Variants in CTNNA2 observed in about 807,000 individuals in gnomAD.
CTNNA2 encodes the protein catenin alpha-2.
Under a neutral mutation model 101.0 loss-of-function variants are expected in CTNNA2, and 42 were observed. The ratio of observed to expected loss-of-function variants is 0.42; its 90% CI spans 0.32 to 0.54. The LOEUF (loss-of-function observed/expected upper bound fraction) is 0.54, where lower values mean the gene tolerates loss of function less well. CTNNA2 is among the 20% of genes least tolerant of loss of function. The probability of loss-of-function intolerance (pLI) is 0.14; values close to 1 mark genes in which losing one functional copy is unlikely to be tolerated. For missense variants in CTNNA2, 871 were observed against 1,223.1 expected, an observed-to-expected ratio of 0.71 and a Z score of 4.29; for synonymous variants, 450 against 456.4, an observed-to-expected ratio of 0.99 and a Z score of 0.18.
chr2:79,720,388 T>G (rs1686403291), intron 2 of CTNNA2, among the ~76,000 whole-genome samples: 1 of 152,162 alleles, frequency 6.6e-6, no homozygotes, highest in Non-Finnish European at 1.5e-5. Flanking sequence ...TCTTTTTTGG[T>G]TCCATATTAC....
chr2:79,884,623 A>T (rs1381921272), intron 6 of CTNNA2, among the ~76,000 whole-genome samples: 1 of 152,166 alleles, frequency 6.6e-6, no homozygotes, highest in Non-Finnish European at 1.5e-5. Flanking sequence ...TCTCAACCAC[A>T]TTAAGCTGAA....
chr2:79,855,204 CTT>C (rs1170806818), intron 3 of CTNNA2, among the ~76,000 whole-genome samples: 1 of 152,072 alleles, frequency 6.6e-6, no homozygotes, highest in Admixed American at 6.6e-5. Context: ...CTCTCTCTGT[CTT>C]TCTCTTTCTT....
intron 4 of CTNNA2, among the ~76,000 whole-genome samples, chr2:79,471,854 A>G (rs182043021): frequency 6.6e-6 from 1 of 152,120 alleles, no homozygotes; most frequent in East Asian, 1.9e-4. Flanking sequence ...CAAAAAAAAA[A>G]GATTTTAACA....
intron 9 of CTNNA2, among the ~76,000 whole-genome samples, chr2:80,529,205 T>A (rs1690306781): frequency 6.6e-6 from 1 of 152,174 alleles, no homozygotes; most frequent in Admixed American, 6.5e-5. Flanking sequence ...TTTTCAGATT[T>A]GTAGGCCACA....
intron 7 of CTNNA2, among the ~76,000 whole-genome samples, chr2:80,124,993 C>T (rs1179501871): frequency 1.3e-5 from 2 of 152,058 alleles, no homozygotes; most frequent in African/African-American, 2.4e-5. Context: ...AAGGGACAAT[C>T]GGTGCTGATT....
At chr2:79,591,473 G>GAA (rs35360779) in intron 1 of CTNNA2, among the ~76,000 whole-genome samples, 1 of 151,966 alleles carries the variant, frequency 6.6e-6, no homozygotes, top group Non-Finnish European at 1.5e-5. Flanking sequence ...CCCTGAGGGG[G>GAA]AAAAACAGCA....
chr2:79,323,310 T>C (rs1676666311), intron 3 of CTNNA2, among the ~76,000 whole-genome samples: 1 of 152,292 alleles, frequency 6.6e-6, no homozygotes, highest in East Asian at 1.9e-4. Flanking sequence ...CTTTGGCCTA[T>C]GTATTAAAGA....
At chr2:80,147,985 G>A (rs1397786515) in intron 7 of CTNNA2, among the ~76,000 whole-genome samples, 2 of 152,190 alleles carry the variant, frequency 1.3e-5, no homozygotes, top group Non-Finnish European at 2.9e-5. Context: ...CACTGAACAA[G>A]AATGACATTT....
chr2:80,397,784 T>G (rs568875508), intron 8 of CTNNA2, among the ~76,000 whole-genome samples: 1 of 152,160 alleles, frequency 6.6e-6, no homozygotes, highest in African/African-American at 2.4e-5. Flanking sequence ...TGTGGACGTA[T>G]GGAAGCTGCA....
chr2:80,014,758 CTT>C (rs1574543836), intron 7 of CTNNA2, among the ~76,000 whole-genome samples: 2 of 152,178 alleles, frequency 1.3e-5, no homozygotes, highest in African/African-American at 4.8e-5. Context: ...AATTTGCAGA[CTT>C]TATCTGACAT....
chr2:79,407,007 C>G (rs1363745375), intron 4 of CTNNA2, among the ~76,000 whole-genome samples: 1 of 152,050 alleles, frequency 6.6e-6, no homozygotes, highest in Non-Finnish European at 1.5e-5. Flanking sequence ...TTGTACCATA[C>G]CATCTCACAC....
intron 4 of CTNNA2, among the ~76,000 whole-genome samples, chr2:79,426,390 G>A (rs1678592595): frequency 6.6e-6 from 1 of 152,140 alleles, no homozygotes; most frequent in Non-Finnish European, 1.5e-5. Context: ...CATTATTTGT[G>A]TAGGGCATGC....
chr2:79,241,265 C>T (rs1384615892), intron 2 of CTNNA2, among the ~76,000 whole-genome samples: 1 of 152,028 alleles, frequency 6.6e-6, no homozygotes, highest in Non-Finnish European at 1.5e-5. Flanking sequence ...TACTAATAAA[C>T]CTCATATGGC....
chr2:80,372,993 G>A (rs544572353), intron 7 of CTNNA2, among the ~76,000 whole-genome samples: 1 of 152,318 alleles, frequency 6.6e-6, no homozygotes, highest in Admixed American at 6.5e-5. Context: ...AGCTCAGAAT[G>A]TCAATAGTGC....
intron 7 of CTNNA2, among the ~76,000 whole-genome samples, chr2:80,347,766 A>G (rs188900231): frequency 7.2e-4 from 110 of 152,062 alleles, no homozygotes; most frequent in African/African-American, 2.3e-3. Context: ...TCTGGTGTCC[A>G]CACCTCAGGA....
At chr2:79,715,432 CT>C (rs1686028597) in intron 2 of CTNNA2, among the ~76,000 whole-genome samples, 1 of 152,088 alleles carries the variant, frequency 6.6e-6, no homozygotes, top group South Asian at 2.1e-4. Context: ...AGTAAAGAAT[CT>C]TCCAATGAAT....
At chr2:80,438,425 TTTTG>T (rs1682243701) in intron 9 of CTNNA2, among the ~76,000 whole-genome samples, 2 of 151,844 alleles carry the variant, frequency 1.3e-5, no homozygotes, top group South Asian at 2.1e-4. Context: ...TTGTTAGTTT[TTTTG>T]TTTTGTTTTG....
intron 1 of CTNNA2, among the ~76,000 whole-genome samples, chr2:79,628,883 T>TA (rs1679498049): frequency 6.6e-6 from 1 of 152,208 alleles, no homozygotes; most frequent in Non-Finnish European, 1.5e-5. Context: ...CCTGACCCTT[T>TA]AGTTAATTTT....
At chr2:80,102,850 A>G (rs1244934982) in intron 7 of CTNNA2, among the ~76,000 whole-genome samples, 2 of 152,202 alleles carry the variant, frequency 1.3e-5, no homozygotes, top group Non-Finnish European at 2.9e-5. Context: ...ACTATGTGTC[A>G]GGGACGATGG....
Sources: allele counts gnomAD v4.1 joint callset (sites outside exome capture counted in the v4.1 genomes callset), GRCh38; gene constraint gnomAD v4.1.1; transcripts MANE v1.5; gene names NCBI Gene and HGNC (gene_info 2026-07-23, HGNC 2026-07-21).